ZNF385D: variants seen among roughly 807,000 people sequenced by gnomAD.
The protein encoded by ZNF385D is zinc finger protein 659.
ZNF385D carries 15 observed loss-of-function variants against 35.8 expected under a neutral mutation model. The ratio of observed to expected loss-of-function variants is 0.42; its 90% CI spans 0.28 to 0.64. The LOEUF is 0.64. Among genes scored for constraint, ZNF385D ranks in the 30% least tolerant of loss-of-function variants. The pLI, the probability that ZNF385D is intolerant of heterozygous loss-of-function variation, is 0.23. For synonymous variants in ZNF385D, 212 were observed against 186.8 expected (o/e 1.13, Z -1.10); for missense variants, 474 against 494.6 (o/e 0.96, Z 0.39).
chr3:21,474,705 TG>T (rs1339440387), intron 4 of ZNF385D, among the ~76,000 whole-genome samples: 3 of 152,136 alleles, frequency 2.0e-5, no homozygotes, highest in African/African-American at 7.2e-5. Context: ...TACTTAAATA[TG>T]TATCAAATAT....
intron 4 of ZNF385D, among the ~76,000 whole-genome samples, chr3:21,456,414 G>T (rs888814140): frequency 2.0e-5 from 3 of 152,110 alleles, no homozygotes; most frequent in African/African-American, 4.8e-5. Context: ...CAATAAAAAA[G>T]GATGAGTTCA....
intron 2 of ZNF385D, among the ~76,000 whole-genome samples, chr3:22,303,146 A>T (rs116434595): frequency 6.6e-6 from 1 of 152,154 alleles, no homozygotes; most frequent in South Asian, 2.1e-4. Context: ...AATGATAATA[A>T]TATCGTTGGC....
intron 3 of ZNF385D, among the ~76,000 whole-genome samples, chr3:21,964,876 AG>A (rs1176069619): frequency 1.3e-5 from 2 of 152,218 alleles, no homozygotes; most frequent in African/African-American, 4.8e-5. Flanking sequence ...ATATATTTGT[AG>A]ACAAATGATA....
intron 2 of ZNF385D, among the ~76,000 whole-genome samples, chr3:22,285,450 AT>A (rs199854234): frequency 6.6e-6 from 1 of 152,086 alleles, no homozygotes; most frequent in Non-Finnish European, 1.5e-5. Context: ...TATTGACAGG[AT>A]TTTTTTCTCT....
chr3:22,059,833 G>C (rs1223017621), intron 3 of ZNF385D, among the ~76,000 whole-genome samples: 1 of 152,086 alleles, frequency 6.6e-6, no homozygotes, highest in East Asian at 1.9e-4. Context: ...ATTATTTCTG[G>C]GTGTGACTGT....
intron 3 of ZNF385D, among the ~76,000 whole-genome samples, chr3:22,045,798 C>G (rs1698968156): frequency 6.6e-6 from 1 of 152,040 alleles, no homozygotes; most frequent in African/African-American, 2.4e-5. Context: ...AGATCATGAC[C>G]TGGCGATTTC....
chr3:22,049,974 C>G (rs557260875), intron 3 of ZNF385D, among the ~76,000 whole-genome samples: 1 of 152,184 alleles, frequency 6.6e-6, no homozygotes, highest in East Asian at 1.9e-4. Flanking sequence ...TTGTAAAATG[C>G]TTGTCTGGCT....
intron 3 of ZNF385D, among the ~76,000 whole-genome samples, chr3:21,763,070 A>G (rs1396911590): frequency 1.3e-5 from 2 of 152,174 alleles, no homozygotes; most frequent in African/African-American, 4.8e-5. Context: ...CTGTAAACAA[A>G]TAAGACAAAT....
At chr3:21,534,255 T>C (rs2061987245) in intron 3 of ZNF385D, among the ~76,000 whole-genome samples, 1 of 152,066 alleles carries the variant, frequency 6.6e-6, no homozygotes. Context: ...AAAGAACTCC[T>C]TTCTCATCTG....
intron 3 of ZNF385D, among the ~76,000 whole-genome samples, chr3:21,962,705 G>A (rs1702663336): frequency 6.6e-6 from 1 of 152,078 alleles, no homozygotes; most frequent in Non-Finnish European, 1.5e-5. Flanking sequence ...TCTGTGGAAA[G>A]GTATTTTTTT....
chr3:21,628,829 C>T (rs1482823938), intron 2 of ZNF385D, among the ~76,000 whole-genome samples: 1 of 152,048 alleles, frequency 6.6e-6, no homozygotes, highest in East Asian at 1.9e-4. Context: ...AGCTAAATTT[C>T]TATAGCACTT....
chr3:21,915,681 C>A (rs1357202341), intron 3 of ZNF385D, among the ~76,000 whole-genome samples: 2 of 152,036 alleles, frequency 1.3e-5, no homozygotes, highest in African/African-American at 2.4e-5. Context: ...TATCCCAGTA[C>A]AAAACCAATA....
intron 1 of ZNF385D, among the ~76,000 whole-genome samples, chr3:21,729,207 G>A (rs1385980904): frequency 6.6e-6 from 1 of 152,062 alleles, no homozygotes; most frequent in Non-Finnish European, 1.5e-5. Context: ...AAGTTACAAG[G>A]ATTCAAGTAT....
chr3:21,760,026 T>C (rs2070531450), intron 3 of ZNF385D, among the ~76,000 whole-genome samples: 1 of 152,208 alleles, frequency 6.6e-6, no homozygotes. Flanking sequence ...TGGCTTCCTC[T>C]GTCAAAATGT....
At chr3:22,040,842 TATC>T (rs1465806516) in intron 3 of ZNF385D, among the ~76,000 whole-genome samples, 7 of 152,160 alleles carry the variant, frequency 4.6e-5, no homozygotes, top group Non-Finnish European at 7.4e-5. Context: ...AGGCAATAAA[TATC>T]ATGCTATGTT....
At chr3:22,112,111 T>G (rs1192960295) in intron 3 of ZNF385D, among the ~76,000 whole-genome samples, 2 of 152,264 alleles carry the variant, frequency 1.3e-5, no homozygotes, top group Non-Finnish European at 2.9e-5. Context: ...CAAAAGCAAA[T>G]AAATTAACAT....
intron 3 of ZNF385D, among the ~76,000 whole-genome samples, chr3:21,846,178 C>G (rs1358625351): frequency 1.3e-5 from 2 of 152,010 alleles, no homozygotes; most frequent in African/African-American, 4.8e-5. Context: ...GCTAGGGAAA[C>G]AGGCCAACAT....
chr3:21,835,118 T>A (rs1044919084), intron 3 of ZNF385D, among the ~76,000 whole-genome samples: 9 of 152,026 alleles, frequency 5.9e-5, no homozygotes, highest in African/African-American at 2.2e-4. Flanking sequence ...CACACATTCA[T>A]CAACATTTAG....
intron 2 of ZNF385D, among the ~76,000 whole-genome samples, chr3:22,309,856 G>C (rs1477784457): frequency 6.6e-6 from 1 of 151,844 alleles, no homozygotes; most frequent in Non-Finnish European, 1.5e-5. Context: ...AGATAAAAAG[G>C]TAACAATGGC....
Sources: gnomAD v4.1 joint callset for allele counts (sites outside exome capture counted in the v4.1 genomes callset) on GRCh38, gnomAD v4.1.1 for gene constraint, MANE v1.5 for transcripts, NCBI Gene and HGNC (gene_info 2026-07-23, HGNC 2026-07-21) for gene names.